The following OXR1 variants were observed in gnomAD, a reference collection of about 807,000 sequenced individuals.
OXR1 encodes oxidation resistance 1, also known as oxidation resistance protein 1.
In OXR1, 41 loss-of-function variants were observed where a neutral mutation model predicts 104.6. The ratio of observed to expected loss-of-function variants is 0.39; its 90% CI spans 0.31 to 0.51. The LOEUF is 0.51. Ranked by LOEUF, OXR1 falls within the 20% of genes least tolerant of loss-of-function variation. The pLI is 0.77. For missense variants in OXR1, 955 were observed against 1,031.9 expected, an observed-to-expected ratio of 0.93 and a Z score of 1.02; for synonymous variants, 348 against 348.4, an observed-to-expected ratio of 1.00 and a Z score of 0.01.
intron 3 of OXR1, among the ~76,000 whole-genome samples, chr8:106,536,174 C>T (rs577243975): frequency 4.6e-5 from 7 of 150,948 alleles, no homozygotes; most frequent in African/African-American, 1.2e-4. Context: ...GAGCAGAGAT[C>T]GCGCCACTGC....
chr8:106,544,660 A>G, intron 3 of OXR1, among the ~76,000 whole-genome samples: 1 of 152,140 alleles, frequency 6.6e-6, no homozygotes, highest in East Asian at 1.9e-4. Flanking sequence ...ATAATGCTGA[A>G]TCTCGTCATC....
At chr8:106,697,644 G>A (rs1587137219) in intron 7 of OXR1, 1 of 1,613,912 alleles carries the variant, frequency 6.2e-7, no homozygotes, top group Admixed American at 1.7e-5. Flanking sequence ...GCTGCACACA[G>A]GCCATGTTCT....
rs1483444330 is a variant in OXR1 at position 106,616,128 on chromosome 8, G to A, written c.221-63082G>A. Among the ~76,000 whole-genome samples the A allele has an allele frequency of 5.9e-5, 8 of 136,400 alleles. No homozygotes were observed. The East Asian group carries it at 6.9e-4, about 12-fold the overall frequency. 89.5% of individuals were successfully genotyped at this position (136,400 alleles called of 152,430 possible). ...GCGATCTCAGCTCACTGCAAGCTCC[G>A]CCTCCCAGGTTCACGCCATTCTCCT... On this transcript the variant is annotated intron_variant, in intron 3 of 16. Transcript: ENST00000517566.
At chr8:106,438,183 T>A (rs1435882975) in intron 2 of OXR1, among the ~76,000 whole-genome samples, 1 of 151,910 alleles carries the variant, frequency 6.6e-6, no homozygotes, top group Non-Finnish European at 1.5e-5. Flanking sequence ...ATGTAGGAGA[T>A]CAAGGTAGGG....
chr8:106,487,045 A>G (rs781683864), intron 2 of OXR1, among the ~76,000 whole-genome samples: 34 of 135,746 alleles, frequency 2.5e-4, no homozygotes, highest in Non-Finnish European at 4.9e-4. Flanking sequence ...TTTTTTTGAG[A>G]CAGTGTCTCA....
chr8:106,518,895 G>T (rs901142316), intron 2 of OXR1, 48 bp from the exon 3 acceptor site: 2 of 1,351,784 alleles, frequency 1.5e-6, no homozygotes, highest in Non-Finnish European at 2.0e-6. Flanking sequence ...TGGAACAAAT[G>T]TGTCTCTAGA....
At chr8:106,391,139 C>G (rs759267183) in intron 2 of OXR1, among the ~76,000 whole-genome samples, 1 of 151,890 alleles carries the variant, frequency 6.6e-6, no homozygotes, top group Non-Finnish European at 1.5e-5. Flanking sequence ...CAAGATTGAC[C>G]GTGAGTTGAT....
intron 3 of OXR1, among the ~76,000 whole-genome samples, chr8:106,602,197 G>T (rs998374313): frequency 1.3e-5 from 2 of 152,164 alleles, no homozygotes; most frequent in African/African-American, 4.8e-5. Context: ...AATTGTGAGA[G>T]AATAAATAAT....
intron 2 of OXR1, among the ~76,000 whole-genome samples, chr8:106,459,133 G>GC (rs1472162172): frequency 2.6e-5 from 4 of 152,082 alleles, no homozygotes; most frequent in Non-Finnish European, 5.9e-5. Context: ...TGTGAACATA[G>GC]CCCCCAAAGT....
At chr8:106,351,923 C>T (rs1214217493) in intron 1 of OXR1, among the ~76,000 whole-genome samples, 1 of 152,086 alleles carries the variant, frequency 6.6e-6, no homozygotes, top group East Asian at 1.9e-4. Context: ...AAGGAATGCA[C>T]TTAGTTTCCC....
At chr8:106,743,298 G>A (rs1045760696) in intron 15 of OXR1, among the ~76,000 whole-genome samples, 1 of 152,236 alleles carries the variant, frequency 6.6e-6, no homozygotes, top group South Asian at 2.1e-4. Flanking sequence ...AGGTTGCAGA[G>A]AAAAAGGAAT....
chr8:106,365,474 G>A (rs1198519569), intron 2 of OXR1, among the ~76,000 whole-genome samples: 1 of 150,848 alleles, frequency 6.6e-6, no homozygotes, highest in African/African-American at 2.4e-5. Flanking sequence ...AAGCTCAAGA[G>A]GAATGAAAAA....
intron 3 of OXR1, among the ~76,000 whole-genome samples, chr8:106,642,173 A>G (rs1312417834): frequency 4.6e-5 from 7 of 152,198 alleles, no homozygotes; most frequent in Admixed American, 4.6e-4. Context: ...ACACAGGGAT[A>G]CAGTGAAAGA....
chr8:106,286,252 A>G (rs781274986), intron 1 of OXR1, among the ~76,000 whole-genome samples: 5 of 148,750 alleles, frequency 3.4e-5, no homozygotes, highest in African/African-American at 5.2e-5. Flanking sequence ...AACAAAACAA[A>G]AAGTAAAAAA....
intron 2 of OXR1, among the ~76,000 whole-genome samples, chr8:106,368,400 T>C (rs921750952): frequency 2.6e-5 from 4 of 152,096 alleles, no homozygotes; most frequent in Non-Finnish European, 4.4e-5. Context: ...TTTTGTTTTA[T>C]TGCATTTTAT....
At chr8:106,596,550 T>C (rs774249115) in intron 3 of OXR1, among the ~76,000 whole-genome samples, 2 of 152,046 alleles carry the variant, frequency 1.3e-5, no homozygotes, top group African/African-American at 4.8e-5. Flanking sequence ...ATGAGTGCAA[T>C]GGAAGAAGTA....
chr8:106,387,429 A>G (rs1817421635), intron 2 of OXR1, among the ~76,000 whole-genome samples: 1 of 152,190 alleles, frequency 6.6e-6, no homozygotes, highest in African/African-American at 2.4e-5. Context: ...AGGTTGCACT[A>G]GGAGAAACCT....
intron 7 of OXR1, among the ~76,000 whole-genome samples, chr8:106,693,988 T>C (rs536130858): frequency 2.0e-5 from 3 of 152,278 alleles, no homozygotes; most frequent in Admixed American, 6.5e-5. Context: ...GTTTTAAATG[T>C]TGTGTTTTCA....
At chr8:106,438,698 T>C (rs1819672330) in intron 2 of OXR1, among the ~76,000 whole-genome samples, 1 of 152,080 alleles carries the variant, frequency 6.6e-6, no homozygotes. Context: ...ACTTAATAAG[T>C]ACTTACCAGT....
Sources: gnomAD v4.1 joint callset for allele counts (sites outside exome capture counted in the v4.1 genomes callset) on GRCh38, gnomAD v4.1.1 for gene constraint, MANE v1.5 for transcripts, NCBI Gene and HGNC (gene_info 2026-07-23, HGNC 2026-07-21) for gene names.